FCHSD2: variants seen among roughly 807,000 people sequenced by gnomAD.
FCHSD2 encodes FCH and double SH3 domains 2.
Under a neutral mutation model 108.1 loss-of-function variants are expected in FCHSD2, and 38 were observed. The observed-to-expected ratio is 0.35, with a 90% CI of 0.27 to 0.46. FCHSD2 has a LOEUF of 0.46. Ranked by LOEUF, FCHSD2 falls within the 20% of genes least tolerant of loss-of-function variation. The pLI is 1.00. For synonymous variants in FCHSD2, 279 were observed against 314.7 expected, an observed-to-expected ratio of 0.89 and a Z score of 1.20; for missense variants, 751 against 897.8, an observed-to-expected ratio of 0.84 and a Z score of 2.09.
At position 72,838,885 on chromosome 11, in the gene FCHSD2, A is replaced by G. The variant is rs1269964283; in HGVS notation, c.2140-11T>C. 2 of 1,601,954 alleles carry G rather than the reference A, an allele frequency of 1.2e-6. No individual in the cohort carries two copies. Among genetic ancestry groups the G allele is most frequent in the Non-Finnish European group, 1.7e-6 (2 of 1,174,754 alleles). ...GGGAGCTGCCCGGACCTGAGCAGGA[A>G]ACAATTACGTAGTTTGTCAGTCAGT... On this transcript the variant is annotated splice_polypyrimidine_tract_variant and intron_variant, in intron 19 of 19. Coordinates refer to ENST00000409418, the MANE Select transcript of FCHSD2 (RefSeq NM_014824.3).
chr11:72,962,611 T>TA (rs397793205), intron 8 of FCHSD2, among the ~76,000 whole-genome samples: 1 of 151,586 alleles, frequency 6.6e-6, no homozygotes, highest in Non-Finnish European at 1.5e-5. Flanking sequence ...CTTTTTTTTT[T>TA]AAACTAAGAA....
At chr11:73,061,013 T>C (rs1360853697) in intron 3 of FCHSD2, among the ~76,000 whole-genome samples, 1 of 152,180 alleles carries the variant, frequency 6.6e-6, no homozygotes, top group Non-Finnish European at 1.5e-5. Flanking sequence ...CAGGCAAGGA[T>C]TGCTGGCAAG....
chr11:72,914,160 A>T (rs945414346), intron 9 of FCHSD2, among the ~76,000 whole-genome samples: 1 of 151,990 alleles, frequency 6.6e-6, no homozygotes, highest in African/African-American at 2.4e-5. Flanking sequence ...GACTACAGAC[A>T]TGTGCCACCA....
intron 3 of FCHSD2, among the ~76,000 whole-genome samples, chr11:73,046,795 C>A (rs1222144441): frequency 1.3e-5 from 2 of 152,106 alleles, no homozygotes; most frequent in Non-Finnish European, 2.9e-5. Context: ...GTTGCCCAGG[C>A]TGGTCTTGAA....
chr11:73,017,727 C>T (rs1366406873), intron 3 of FCHSD2, among the ~76,000 whole-genome samples: 2 of 152,128 alleles, frequency 1.3e-5, no homozygotes, highest in East Asian at 3.8e-4. Flanking sequence ...TCATAATGCT[C>T]CCATTGCATG....
chr11:73,120,548 G>A (rs1258878429), intron 2 of FCHSD2, among the ~76,000 whole-genome samples: 1 of 152,006 alleles, frequency 6.6e-6, no homozygotes, highest in Non-Finnish European at 1.5e-5. Flanking sequence ...TGACCAACAT[G>A]GTGAAACCCC....
At chr11:72,998,490 G>A (rs892967077) in intron 5 of FCHSD2, among the ~76,000 whole-genome samples, 8 of 151,894 alleles carry the variant, frequency 5.3e-5, no homozygotes, top group Non-Finnish European at 1.0e-4. Context: ...TGCTGTGAGC[G>A]AGATCATGCC....
intron 13 of FCHSD2, among the ~76,000 whole-genome samples, chr11:72,862,756 T>C (rs888583842): frequency 1.3e-5 from 2 of 152,140 alleles, no homozygotes; most frequent in African/African-American, 4.8e-5. Context: ...GCAAAGGACC[T>C]AGAATACCCA....
intron 6 of FCHSD2, among the ~76,000 whole-genome samples, chr11:72,985,569 T>C (rs188776247): frequency 7.9e-4 from 120 of 152,276 alleles, no homozygotes; most frequent in African/African-American, 2.7e-3. Flanking sequence ...ACTCTAACAA[T>C]AGGCTCTATG....
intron 8 of FCHSD2, among the ~76,000 whole-genome samples, chr11:72,968,177 C>T (rs1036134301): frequency 1.3e-5 from 2 of 151,598 alleles, no homozygotes; most frequent in Admixed American, 6.6e-5. Context: ...ATCCTAAGGG[C>T]GATAAGAAGC....
chr11:72,964,090 T>C (rs966909136), intron 8 of FCHSD2, among the ~76,000 whole-genome samples: 7 of 152,186 alleles, frequency 4.6e-5, no homozygotes, highest in Admixed American at 6.5e-5. Context: ...GATACAAACA[T>C]GGATAATATA....
chr11:72,881,407 A>T (rs1464076916), intron 12 of FCHSD2, among the ~76,000 whole-genome samples: 1 of 152,248 alleles, frequency 6.6e-6, no homozygotes, highest in Non-Finnish European at 1.5e-5. Flanking sequence ...GTGAAGATGC[A>T]GAAAAAAGGG....
rs200395290 is a variant in FCHSD2 at position 73,026,837 on chromosome 11, T to C, written c.166-10952A>G. ...CATGAGATCTAATGGTTTAAAAGTT[T>C]GGCACTTCCCCCTTTGCTCGCTCTC... On this transcript the variant is annotated intron_variant, in intron 3 of 19. Coordinates refer to ENST00000409418, the MANE Select transcript of FCHSD2 (RefSeq NM_014824.3). Among the ~76,000 whole-genome samples the C allele has an allele frequency of 7.9e-5, 12 of 152,254 alleles. No individual in the cohort carries two copies. In the East Asian group the frequency reaches 1.2e-3, roughly 15 times the overall value.
At chr11:72,936,720 T>C (rs1591414152) in intron 8 of FCHSD2, among the ~76,000 whole-genome samples, 1 of 152,346 alleles carries the variant, frequency 6.6e-6, no homozygotes, top group Middle Eastern at 3.4e-3. Flanking sequence ...TTATAGTATA[T>C]CTTTACTTCA....
At chr11:73,028,302 G>C (rs1448578403) in intron 3 of FCHSD2, among the ~76,000 whole-genome samples, 1 of 152,220 alleles carries the variant, frequency 6.6e-6, no homozygotes, top group Non-Finnish European at 1.5e-5. Context: ...GCGTGCCCTG[G>C]ATGTGAGACA....
intron 9 of FCHSD2, among the ~76,000 whole-genome samples, chr11:72,918,925 G>A (rs893417042): frequency 7.1e-4 from 108 of 151,996 alleles, no homozygotes; most frequent in African/African-American, 2.4e-3. Flanking sequence ...CATATACAAA[G>A]CATTTCATAA....
chr11:72,967,857 C>T (rs573422878), intron 8 of FCHSD2, among the ~76,000 whole-genome samples: 15 of 150,786 alleles, frequency 9.9e-5, no homozygotes, highest in Middle Eastern at 3.6e-3. Flanking sequence ...TTTGGGAGGC[C>T]GAGGCGGGCG....
rs1451435652 is a variant in FCHSD2 at position 72,983,121 on chromosome 11, C to A, written c.705+967G>T. Among the ~76,000 whole-genome samples the A allele has an allele frequency of 2.6e-5, 4 of 151,878 alleles. No individual in the cohort carries two copies. The South Asian group carries it at 8.3e-4, about 32-fold the overall frequency. ...CATCCCGGCTAAAACGGTGAAACCCCGTCTCTACTAAAAATACAAAAAATT... is the reference window on the plus strand; with the variant it reads ...CATCCCGGCTAAAACGGTGAAACCCAGTCTCTACTAAAAATACAAAAAATT... On this transcript the variant is annotated intron_variant, in intron 8 of 19. Transcript: ENST00000409418.
At chr11:72,940,521 G>A in intron 8 of FCHSD2, 1 of 884,182 alleles carries the variant, frequency 1.1e-6, no homozygotes, top group Middle Eastern at 3.3e-4. Flanking sequence ...CGCACATCCA[G>A]GAGCTATGGA....
Sources: allele counts gnomAD v4.1 joint callset (sites outside exome capture counted in the v4.1 genomes callset), GRCh38; gene constraint gnomAD v4.1.1; transcripts MANE v1.5; gene names NCBI Gene and HGNC (gene_info 2026-07-23, HGNC 2026-07-21).